Variants in KPNA3 observed in about 807,000 individuals in gnomAD.
The protein encoded by KPNA3 is karyopherin subunit alpha 3, also known as importin subunit alpha-4.
A neutral mutation model predicts 73.8 loss-of-function variants in KPNA3; 13 were observed. The observed-to-expected ratio is 0.18, with a 90% CI of 0.11 to 0.28. The LOEUF (loss-of-function observed/expected upper bound fraction) is 0.28, where lower values mean the gene tolerates loss of function less well. Among genes scored for constraint, KPNA3 ranks in the 10% least tolerant of loss-of-function variants. The pLI is 1.00. For missense variants in KPNA3, 360 were observed against 618.1 expected (o/e 0.58, Z 4.43); for synonymous variants, 186 against 206.9 (o/e 0.90, Z 0.87).
chr13:49,718,111 T>C (rs1954322236), intron 10 of KPNA3, among the ~76,000 whole-genome samples: 1 of 152,198 alleles, frequency 6.6e-6, no homozygotes. Flanking sequence ...TGCATGACCT[T>C]AGAAAGATTA....
At chr13:49,705,494 G>T in intron 15 of KPNA3, 127 bp downstream of exon 15, 1 of 977,508 alleles carries the variant, frequency 1.0e-6, no homozygotes, top group Non-Finnish European at 1.5e-6. Flanking sequence ...ATAAAGAAAA[G>T]CAACATACTG....
intron 6 of KPNA3, among the ~76,000 whole-genome samples, chr13:49,727,009 T>C (rs547656836): frequency 6.6e-6 from 1 of 152,136 alleles, no homozygotes; most frequent in South Asian, 2.1e-4. Context: ...TAAGTTAGGA[T>C]AGCTGAAAGA....
In KPNA3 at chr13:49,729,856, GT is replaced by G. The variant is rs201419810; in HGVS notation, c.383+2514del. Among the ~76,000 whole-genome samples the G allele has an allele frequency of 1.6e-3, 241 of 152,304 alleles. 3 individuals carry two copies. The highest frequency in any genetic ancestry group is 0.012 in the Admixed American group (180 of 15,302). The stretch of plus-strand genomic sequence containing the variant: ...TGACATTGTGTAGAGTGCTTTGTAT[GT>G]ATTATTTCCATTCCTTACCATCACC... On this transcript the variant is annotated intron_variant, in intron 6 of 16. Coordinates refer to ENST00000261667, the MANE Select transcript of KPNA3 (RefSeq NM_002267.4).
intron 1 of KPNA3, among the ~76,000 whole-genome samples, chr13:49,761,822 T>G (rs952900642): frequency 4.2e-5 from 6 of 144,378 alleles, no homozygotes; most frequent in Admixed American, 2.1e-4. Context: ...GCCCATCGTC[T>G]GAGATGTGGG....
intron 1 of KPNA3, among the ~76,000 whole-genome samples, chr13:49,761,796 G>A (rs1384216718): frequency 2.0e-5 from 3 of 151,942 alleles, no homozygotes; most frequent in South Asian, 4.2e-4. Flanking sequence ...GAAGCGAGGA[G>A]CATCTCTGCC....
At chr13:49,729,192 T>C (rs9535315) in intron 6 of KPNA3, among the ~76,000 whole-genome samples, 36,289 of 151,996 alleles carry the variant, frequency 0.24, 5,171 homozygotes, top group Non-Finnish European at 0.32. Context: ...AAATTTCCCC[T>C]GTATATGATG....
At chr13:49,726,535 G>A (rs1366748414) in intron 6 of KPNA3, among the ~76,000 whole-genome samples, 1 of 152,118 alleles carries the variant, frequency 6.6e-6, no homozygotes, top group Non-Finnish European at 1.5e-5. Flanking sequence ...ATGGGAGTGA[G>A]GAGTGTATTC....
intron 2 of KPNA3, among the ~76,000 whole-genome samples, chr13:49,738,344 G>A (rs537676588): frequency 3.3e-5 from 5 of 152,248 alleles, no homozygotes; most frequent in African/African-American, 1.2e-4. Context: ...TCTAGAGACT[G>A]TGTCTTTCCA....
chr13:49,704,178 T>A (rs1427138303), intron 15 of KPNA3, among the ~76,000 whole-genome samples: 1 of 152,140 alleles, frequency 6.6e-6, no homozygotes, highest in Admixed American at 6.5e-5. Context: ...TCCCAGCACT[T>A]TGGGAAGCCG....
Position 49,712,202 on chromosome 13 carries a change from T to C in KPNA3, c.772-1180A>G, listed in dbSNP as rs975803005. Among the ~76,000 whole-genome samples the C allele has an allele frequency of 5.3e-5, 8 of 152,150 alleles. No homozygotes were observed. In the South Asian group the frequency reaches 6.2e-4, roughly 12 times the overall value. ...TCTCAAAGCATAACACCAATATGTG[T>C]AGGCTACAATGGAAAATAACCCTTC... is the stretch of plus-strand genomic sequence containing the variant. On this transcript the variant is annotated intron_variant, in intron 10 of 16. Transcript: ENST00000261667.
chr13:49,706,258 T>C lies in KPNA3; in HGVS notation c.1137+10A>G. On this transcript the variant is annotated intron_variant, in intron 13 of 16. Coordinates refer to ENST00000261667, the MANE Select transcript of KPNA3 (RefSeq NM_002267.4). ...ATTAACAGACACGGTGAACTCATAATATGACCAACCTTAGCAAGCTGATGA... is the reference window on the plus strand; with the variant it reads ...ATTAACAGACACGGTGAACTCATAACATGACCAACCTTAGCAAGCTGATGA... The C allele has an allele frequency of 1.9e-6, 3 of 1,612,800 alleles. No homozygotes were observed. Among genetic ancestry groups the C allele is most frequent in the Non-Finnish European group, 2.5e-6 (3 of 1,178,962 alleles).
intron 12 of KPNA3, 28 bp downstream of exon 12, chr13:49,709,544 A>G: frequency 6.4e-7 from 1 of 1,565,958 alleles, no homozygotes; most frequent in South Asian, 1.2e-5. Context: ...AGAAAGAAAT[A>G]GCATAATGAG....
rs1954533372 is a variant in KPNA3, at chr13:49,737,541, TTAC to T, written c.115-4498_115-4496del. ...TTAAATTAGACTGTTTTGTTTTTTC[TTAC>T]TATTAAGTGTGTGTGTCTGTGTGTG... On this transcript the variant is annotated intron_variant, in intron 2 of 16. Transcript: ENST00000261667. 2.0e-5 allele frequency among the ~76,000 whole-genome samples: 3 copies of T among 151,704 alleles called. No individual in the cohort carries two copies. The South Asian group carries it at 6.2e-4, about 32-fold the overall frequency.
chr13:49,739,641 A>G (rs1954555194), intron 2 of KPNA3, among the ~76,000 whole-genome samples: 1 of 152,178 alleles, frequency 6.6e-6, no homozygotes, highest in Non-Finnish European at 1.5e-5. Flanking sequence ...ACGGATCAGT[A>G]TCTGTTATTT....
At chr13:49,783,449 G>A (rs1954956892) in intron 1 of KPNA3, among the ~76,000 whole-genome samples, 1 of 152,024 alleles carries the variant, frequency 6.6e-6, no homozygotes, top group Admixed American at 6.6e-5. Context: ...TCCTCGGGGG[G>A]GTTGGCTCCA....
At chr13:49,703,344 C>A (rs779376812) in intron 15 of KPNA3, among the ~76,000 whole-genome samples, 1 of 151,682 alleles carries the variant, frequency 6.6e-6, no homozygotes, top group African/African-American at 2.4e-5. Context: ...CTATGCCCAG[C>A]TAATTTTTTG....
intron 15 of KPNA3, among the ~76,000 whole-genome samples, chr13:49,704,556 T>C (rs1954188538): frequency 6.6e-6 from 1 of 151,760 alleles, no homozygotes; most frequent in Non-Finnish European, 1.5e-5. Flanking sequence ...AATAAATAAA[T>C]AAATAAACAA....
At chr13:49,739,879 T>C (rs560957711) in intron 2 of KPNA3, among the ~76,000 whole-genome samples, 5 of 152,298 alleles carry the variant, frequency 3.3e-5, no homozygotes, top group Admixed American at 6.5e-5. Flanking sequence ...TTTTAAAAAG[T>C]TGACAAAAAT....
At chr13:49,708,995 G>A (rs186474352) in intron 12 of KPNA3, among the ~76,000 whole-genome samples, 45 of 152,192 alleles carry the variant, frequency 3.0e-4, no homozygotes, top group Middle Eastern at 3.4e-3. Context: ...ACTTTCAAGC[G>A]GCTACTAATT....
Sources: gnomAD v4.1 joint callset for allele counts (sites outside exome capture counted in the v4.1 genomes callset) on GRCh38, gnomAD v4.1.1 for gene constraint, MANE v1.5 for transcripts, NCBI Gene and HGNC (gene_info 2026-07-23, HGNC 2026-07-21) for gene names.